Variants in ANKRD33 observed in about 807,000 individuals in gnomAD.
The protein encoded by ANKRD33 is photoreceptor ankyrin repeat protein.
A neutral mutation model predicts 20.6 loss-of-function variants in ANKRD33; 20 were observed. The ratio of observed to expected loss-of-function variants is 0.97; its 90% CI spans 0.68 to 1.41. The LOEUF (loss-of-function observed/expected upper bound fraction) is 1.41. Ranked by LOEUF, ANKRD33 falls within the 40% of genes most tolerant of loss-of-function variation. The pLI, the probability that ANKRD33 is intolerant of heterozygous loss-of-function variation, is 0.00. For missense variants in ANKRD33, 545 were observed against 579.6 expected (o/e 0.94, Z 0.61); for synonymous variants, 246 against 245.0 (o/e 1.00, Z -0.04).
intron 4 of ANKRD33, 112 bp from the exon 5 acceptor site, chr12:51,890,472 G>A: frequency 6.5e-7 from 1 of 1,535,826 alleles, no homozygotes; most frequent in Non-Finnish European, 8.7e-7. Flanking sequence ...AACAGGATGG[G>A]ACTCTATGGC....
chr12:51,890,848 A>G lies in ANKRD33; in HGVS notation c.902A>G (p.Glu301Gly). 6.2e-7 allele frequency: 1 copy of G among 1,612,554 alleles called. No homozygotes were observed. The highest frequency in any genetic ancestry group is 1.7e-5 in the Admixed American group (1 of 60,010). ...LSLPFAPSPQ[E>G]GGVLDHLVTA... The stretch of plus-strand genomic sequence containing the variant: ...CTCCCCTTTGCCCCGTCTCCTCAGG[A>G]GGGGGGTGTTCTGGACCACCTTGTG... The change falls in exon 5 of 5, where the codon GAG becomes GGG. Residue 301 changes from glutamate (E) to glycine (G), a missense_variant. Transcript: ENST00000301190.
chr12:51,891,685 C>T lies in ANKRD33; in HGVS notation c.*380C>T, dbSNP rs1044406133. 9 of 188,780 alleles carry T rather than the reference C, an allele frequency of 4.8e-5. No individual in the cohort carries two copies. Among genetic ancestry groups the T allele is most frequent in the East Asian group, 2.5e-4 (2 of 7,924 alleles). The allele number at this position is 188,780 out of a possible 1,614,324, so 11.7% of individuals were successfully genotyped here. A position where few individuals can be genotyped will look rare whatever the true frequency, so the allele number is the denominator to read the frequency against. On this transcript the variant is annotated 3_prime_UTR_variant, in exon 5 of 5. Coordinates refer to ENST00000301190, the MANE Select transcript of ANKRD33 (RefSeq NM_182608.4). The stretch of plus-strand genomic sequence containing the variant: ...GTGTATATGGCATATTATTATTTGT[C>T]GAAGTAAAATTTTCACGAAGATAAA...
chr12:51,890,041 G>A (rs1384040638), intron 4 of ANKRD33: 5 of 238,472 alleles, frequency 2.1e-5, no homozygotes, highest in Non-Finnish European at 4.2e-5. Context: ...CCCTCTGCTG[G>A]TCACTCTGGG....
rs1391092435 is a variant in ANKRD33 at position 51,888,588 on chromosome 12, G to A, written c.166G>A (p.Gly56Arg). The change falls in exon 2 of 5, where the codon GGG becomes AGG. Residue 56 changes from glycine (G) to arginine (R), a missense_variant. Physicochemically the swap from Gly to Arg is moderately radical, Grantham distance 125. Transcript: ENST00000301190. ...TTTAGATGCCAGCTGCATGAGAAAA[G>A]GGACTCACCTTCTGGTTCCCTGCCT... is the stretch of plus-strand genomic sequence containing the variant. ...RTPNASCMRK[G>R]THLLVPCLEE... 6.4e-7 allele frequency: 1 copy of A among 1,555,706 alleles called. No individual in the cohort carries two copies. Among genetic ancestry groups the A allele is most frequent in the Non-Finnish European group, 8.7e-7 (1 of 1,153,426 alleles).
chr12:51,891,163 AGG>A lies in ANKRD33; in HGVS notation c.1218_1219del (p.Lys406AsnfsTer59), dbSNP rs1422926232. ...CAAGTCCCCAAGATCCTCCTCTCCA[AGG>A]CATCCTCATCCTCCCACCAGTGCCA... On this transcript the variant is annotated frameshift_variant, in exon 5 of 5. Transcript: ENST00000301190. LOFTEE classifies it low-confidence loss of function (END_TRUNC). 9 of 1,614,088 alleles carry A rather than the reference AGG, an allele frequency of 5.6e-6. No individual in the cohort carries two copies. Among genetic ancestry groups the A allele is most frequent in the Non-Finnish European group, 7.6e-6 (9 of 1,180,048 alleles).
Position 51,888,298 on chromosome 12 carries a change from G to C in ANKRD33, c.112G>C (p.Val38Leu). 4.3e-6 allele frequency: 7 copies of C among 1,613,626 alleles called. No homozygotes were observed. Among genetic ancestry groups the C allele is most frequent in the Non-Finnish European group, 5.9e-6 (7 of 1,179,772 alleles). Reference protein sequence around the residue: ...VLRGAWAVPRVDCLIDTLRTP... With the variant: ...VLRGAWAVPRLDCLIDTLRTP... ...CCGCGGAGCCTGGGCTGTGCCCCGC[G>C]TTGACTGCCTCATAGATACCCTACG... is the stretch of plus-strand genomic sequence containing the variant. Residue 38 changes from valine to leucine, a missense_variant, in exon 1 of 5, where the codon GTT (valine) becomes CTT (leucine). Physicochemically the swap from Val to Leu is conservative, Grantham distance 32. Transcript: ENST00000301190.
chr12:51,889,445 G>A lies in ANKRD33; in HGVS notation c.600G>A (p.Gly200=), dbSNP rs749055127. The change falls in exon 4 of 5, where the codon GGG becomes GGA. Residue 200 remains glycine, a synonymous_variant. Transcript: ENST00000301190. The part of the protein sequence containing the change: ...GLDLERRDQR[G]LTALMKAAMR... The stretch of plus-strand genomic sequence containing the variant: ...ACCTGGAACGCCGGGACCAGCGGGG[G>A]CTCACGGCGTTAATGAAGGCTGCCA... The A allele has an allele frequency of 6.2e-7, 1 of 1,613,924 alleles. No individual in the cohort carries two copies. The highest frequency in any genetic ancestry group is 8.5e-7 in the Non-Finnish European group (1 of 1,180,022).
chr12:51,890,517 G>T (rs1349058994), intron 4 of ANKRD33, 67 bp from the exon 5 acceptor site: 4 of 1,550,256 alleles, frequency 2.6e-6, no homozygotes, highest in Non-Finnish European at 3.5e-6. Context: ...TGCTCCTAAA[G>T]AATCTGCCCT....
chr12:51,889,727 C>T lies in ANKRD33; in HGVS notation c.637+245C>T, dbSNP rs1020810906. 5 of 728,272 alleles carry T rather than the reference C, an allele frequency of 6.9e-6. No homozygotes were observed. The East Asian group carries it at 1.5e-4, about 22-fold the overall frequency. 45.1% of individuals were successfully genotyped at this position (728,272 alleles called of 1,614,324 possible). A position where few individuals can be genotyped will look rare whatever the true frequency, so the allele number is the denominator to read the frequency against. ...TAGCTCAGACATTGTGTGTGGAGGTCCCAGGAAGGAAAGTGTGGGAGGGGA... is the reference window on the plus strand; with the variant it reads ...TAGCTCAGACATTGTGTGTGGAGGTTCCAGGAAGGAAAGTGTGGGAGGGGA... On this transcript the variant is annotated intron_variant, in intron 4 of 4. Transcript: ENST00000301190.
At position 51,890,868 on chromosome 12, in the gene ANKRD33, C is replaced by T. The variant is rs1255361744; in HGVS notation, c.922C>T (p.Leu308Phe). The T allele has an allele frequency of 6.2e-7, 1 of 1,613,276 alleles. No homozygotes were observed. The highest frequency in any genetic ancestry group is 1.1e-5 in the South Asian group (1 of 91,084). The part of the protein sequence containing the change: ...SPQEGGVLDH[L>F]VTATTSLASP... ...TCAGGAGGGGGGTGTTCTGGACCACCTTGTGACTGCCACAACCAGCCTGGC... is the reference window on the plus strand; with the variant it reads ...TCAGGAGGGGGGTGTTCTGGACCACTTTGTGACTGCCACAACCAGCCTGGC... The change falls in exon 5 of 5, where the codon CTT becomes TTT. Residue 308 changes from leucine (L) to phenylalanine (F), a missense_variant. Leu to Phe is a conservative substitution (Grantham distance 22). Coordinates refer to ENST00000301190, the MANE Select transcript of ANKRD33 (RefSeq NM_182608.4).
At position 51,891,206 on chromosome 12, in the gene ANKRD33, T is replaced by C; in HGVS notation, c.1260T>C (p.Pro420=). ...ACCAGTGCCAGCCGAAGCCCAGTCC[T>C]TCAGGACACCAAAGTCTGGCCCTTC... is the stretch of plus-strand genomic sequence containing the variant. ...SSHQCQPKPS[P]SGHQSLALPL... is the part of the protein sequence containing the mutation. Residue 420 remains proline (P), a synonymous_variant, in exon 5 of 5, where the codon CCT becomes CCC. Coordinates refer to ENST00000301190, the MANE Select transcript of ANKRD33 (RefSeq NM_182608.4). The C allele has an allele frequency of 6.2e-7, 1 of 1,614,220 alleles. No individual in the cohort carries two copies. Among genetic ancestry groups the C allele is most frequent in the Non-Finnish European group, 8.5e-7 (1 of 1,180,046 alleles).
Position 51,888,479 on chromosome 12 carries a change from G to A in ANKRD33, c.146-89G>A, listed in dbSNP as rs1017564009. 72 of 1,565,560 alleles carry A rather than the reference G, an allele frequency of 4.6e-5. 2 individuals carry two copies. The South Asian group carries it at 7.7e-4, about 17-fold the overall frequency. On this transcript the variant is annotated intron_variant, in intron 1 of 4. Coordinates refer to ENST00000301190, the MANE Select transcript of ANKRD33 (RefSeq NM_182608.4). ...CCCTGCTGGGATAAATGTTTTCCCT[G>A]GGGCAAGGGCTGTGCACTTCGCAGC... is the stretch of plus-strand genomic sequence containing the variant.
chr12:51,889,350 G>C lies in ANKRD33; in HGVS notation c.527-22G>C, dbSNP rs769454452. On this transcript the variant is annotated intron_variant, in intron 3 of 4. Transcript: ENST00000301190. ...CATCACCCCCTTTCCTGGGGACCAA[G>C]CTTACCCTTGCTGCCCTGCAGGCCA... 3.7e-6 allele frequency: 6 copies of C among 1,612,650 alleles called. No individual in the cohort carries two copies. In the African/African-American group the frequency reaches 4.0e-5, roughly 11 times the overall value.
intron 1 of ANKRD33, 80 bp downstream of exon 1, chr12:51,888,411 C>T (rs1198371539): frequency 6.3e-7 from 1 of 1,593,620 alleles, no homozygotes; most frequent in Non-Finnish European, 8.5e-7. Flanking sequence ...CTTAGGGCTC[C>T]TGACCCAGCG....
At chr12:51,890,447 C>A (rs775012743) in intron 4 of ANKRD33, 137 bp from the exon 5 acceptor site, 3 of 1,534,132 alleles carry the variant, frequency 2.0e-6, no homozygotes, top group Non-Finnish European at 2.6e-6. Flanking sequence ...CACTGGCCTC[C>A]CTGATTCCAC....
Position 51,891,565 on chromosome 12 carries a change from A to G in ANKRD33, c.*260A>G. ...TCCATCCATACAGAGCATACTCTAC[A>G]GTGTATTCTAAAATAAGACTAAGGA... On this transcript the variant is annotated 3_prime_UTR_variant, in exon 5 of 5. Coordinates refer to ENST00000301190, the MANE Select transcript of ANKRD33 (RefSeq NM_182608.4). 1.9e-6 allele frequency: 1 copy of G among 531,972 alleles called. No homozygotes were observed. Among genetic ancestry groups the G allele is most frequent in the Non-Finnish European group, 3.2e-6 (1 of 309,854 alleles). 33.0% of individuals were successfully genotyped at this position (531,972 alleles called of 1,614,324 possible).
chr12:51,888,494 C>A, intron 1 of ANKRD33, 74 bp from the exon 2 acceptor site: 1 of 1,555,894 alleles, frequency 6.4e-7, no homozygotes, highest in Non-Finnish European at 8.7e-7. Flanking sequence ...AAGGGCTGTG[C>A]ACTTCGCAGC....
rs183438777 is a variant in ANKRD33, at chr12:51,890,291, G to C, written c.638-293G>C. The C allele has an allele frequency of 1.5e-3, 921 of 617,600 alleles. 7 individuals are homozygous for C. The highest frequency in any genetic ancestry group is 0.015 in the African/African-American group (817 of 55,276). The allele number at this position is 617,600 out of a possible 1,614,324, so 38.3% of individuals were successfully genotyped here. A position where few individuals can be genotyped will look rare whatever the true frequency, so the allele number is the denominator to read the frequency against. ...CAGCTCAGGCCTCTGCCTGTCCTGG[G>C]CAGCCTGCACCGCTGCTCTGCTCAG... On this transcript the variant is annotated intron_variant, in intron 4 of 4. Coordinates refer to ENST00000301190, the MANE Select transcript of ANKRD33 (RefSeq NM_182608.4).
rs538323259 is a variant in ANKRD33 at position 51,888,719 on chromosome 12, G to C, written c.297G>C (p.Leu99=). The C allele has an allele frequency of 3.7e-6, 6 of 1,614,064 alleles. No individual in the cohort carries two copies. In the African/African-American group the frequency reaches 6.7e-5, roughly 18 times the overall value. ...CCCCAGGCTGCAGGCTGGGGGCCCTGTATTGGGCCTGTGTCCACAATGATC... is the reference window on the plus strand; with the variant it reads ...CCCCAGGCTGCAGGCTGGGGGCCCTCTATTGGGCCTGTGTCCACAATGATC... ...TPTPGCRLGA[L]YWACVHNDPT... The change falls in exon 2 of 5, where the codon CTG becomes CTC. Residue 99 remains leucine (L), a synonymous_variant. Coordinates refer to ENST00000301190, the MANE Select transcript of ANKRD33 (RefSeq NM_182608.4).
Sources: allele counts gnomAD v4.1 joint callset, GRCh38; gene constraint gnomAD v4.1.1; transcripts MANE v1.5; gene names NCBI Gene and HGNC (gene_info 2026-07-23, HGNC 2026-07-21).